Variants in BABAM2 observed in about 807,000 individuals in gnomAD.
The protein encoded by BABAM2 is BRISC and BRCA1 A complex member 2.
In BABAM2, 31 loss-of-function variants were observed where a neutral mutation model predicts 54.7. That is an observed-to-expected ratio of 0.57 (90% CI 0.43 to 0.77). The LOEUF (loss-of-function observed/expected upper bound fraction) is 0.77, where lower values mean the gene tolerates loss of function less well. Among genes scored for constraint, BABAM2 ranks in the 30% least tolerant of loss-of-function variants. BABAM2 has a pLI of 0.00. For synonymous variants in BABAM2, 167 were observed against 162.9 expected (o/e 1.03, Z -0.19); for missense variants, 364 against 455.8 (o/e 0.80, Z 1.83).
At chr2:28,222,282 T>C (rs977843252) in intron 7 of BABAM2, among the ~76,000 whole-genome samples, 6 of 152,316 alleles carry the variant, frequency 3.9e-5, no homozygotes, top group African/African-American at 1.2e-4. Context: ...GAGGCCTAGA[T>C]TGATGGAGAG....
chr2:28,220,125 C>T (rs1016765174), intron 7 of BABAM2, among the ~76,000 whole-genome samples: 14 of 152,098 alleles, frequency 9.2e-5, no homozygotes, highest in Non-Finnish European at 7.4e-5. Context: ...ACCAGCAAAA[C>T]GAACTGATTG....
intron 3 of BABAM2, among the ~76,000 whole-genome samples, chr2:27,942,712 C>G (rs1668997148): frequency 6.6e-6 from 1 of 152,002 alleles, no homozygotes. Context: ...GTTTCATAGC[C>G]TGCCTACCAA....
intron 7 of BABAM2, among the ~76,000 whole-genome samples, chr2:28,167,581 C>T (rs1329071102): frequency 6.6e-6 from 1 of 151,588 alleles, no homozygotes; most frequent in Non-Finnish European, 1.5e-5. Context: ...GTAATTCCAG[C>T]TACTAGGGAG....
chr2:28,102,645 A>G (rs777928852), intron 6 of BABAM2, among the ~76,000 whole-genome samples: 4 of 152,226 alleles, frequency 2.6e-5, no homozygotes, highest in Non-Finnish European at 4.4e-5. Context: ...GTTTTCAGTT[A>G]CAGTAGGTAG....
chr2:27,895,206 C>G (rs1665192618), intron 2 of BABAM2: 1 of 152,288 alleles, frequency 6.6e-6, no homozygotes, highest in Admixed American at 6.5e-5. Context: ...TACAAAAATA[C>G]TACAGGAAAT....
chr2:28,070,899 T>C (rs1459661758), intron 6 of BABAM2, among the ~76,000 whole-genome samples: 1 of 152,172 alleles, frequency 6.6e-6, no homozygotes, highest in Non-Finnish European at 1.5e-5. Flanking sequence ...AAAAAGGTGT[T>C]AAATCACAGT....
chr2:28,297,545 C>T (rs1687796616), intron 10 of BABAM2, among the ~76,000 whole-genome samples: 1 of 152,102 alleles, frequency 6.6e-6, no homozygotes, highest in Non-Finnish European at 1.5e-5. Flanking sequence ...AGTTAAAGAA[C>T]CCCAAAATGA....
intron 3 of BABAM2, among the ~76,000 whole-genome samples, chr2:27,976,721 T>C (rs1573309615): frequency 6.6e-6 from 1 of 152,182 alleles, no homozygotes; most frequent in Non-Finnish European, 1.5e-5. Context: ...AGTTAAAAAA[T>C]AGTTTATAAT....
chr2:28,006,591 C>T (rs543029784), intron 4 of BABAM2, among the ~76,000 whole-genome samples: 1 of 151,994 alleles, frequency 6.6e-6, no homozygotes, highest in Non-Finnish European at 1.5e-5. Flanking sequence ...AGCCTATTCA[C>T]CTAAAACGTC....
chr2:28,215,235 C>G (rs1216316340), intron 7 of BABAM2, among the ~76,000 whole-genome samples: 1 of 152,102 alleles, frequency 6.6e-6, no homozygotes, highest in Non-Finnish European at 1.5e-5. Context: ...TGGAACCAGA[C>G]TTTGTTCTAA....
At chr2:28,142,073 A>G (rs991201407) in intron 7 of BABAM2, among the ~76,000 whole-genome samples, 1 of 152,146 alleles carries the variant, frequency 6.6e-6, no homozygotes, top group Non-Finnish European at 1.5e-5. Context: ...TTGTTGGAGG[A>G]ACGGTCTAAC....
chr2:28,266,501 A>G (rs865798332), intron 10 of BABAM2, among the ~76,000 whole-genome samples: 2 of 152,306 alleles, frequency 1.3e-5, no homozygotes, highest in African/African-American at 2.4e-5. Flanking sequence ...GTCATTCCCA[A>G]AGTGTTATTA....
intron 7 of BABAM2, among the ~76,000 whole-genome samples, chr2:28,157,597 C>CAATTATTATTTTTCTATTTG (rs1265159472): frequency 1.3e-5 from 2 of 151,982 alleles, no homozygotes; most frequent in Non-Finnish European, 2.9e-5. Context: ...ATGTATTAAC[C>CAATTATTATTTTTCTATTTG]CTGTTCAGCA....
chr2:28,029,473 C>T (rs1676139972), intron 5 of BABAM2, among the ~76,000 whole-genome samples: 1 of 152,122 alleles, frequency 6.6e-6, no homozygotes, highest in South Asian at 2.1e-4. Context: ...TTTGTGACTG[C>T]TTATTTCACT....
At chr2:27,929,454 T>A (rs1242699156) in intron 2 of BABAM2, among the ~76,000 whole-genome samples, 1 of 151,992 alleles carries the variant, frequency 6.6e-6, no homozygotes, top group Non-Finnish European at 1.5e-5. Context: ...AAGCTAAGAG[T>A]CCATATTTAA....
At chr2:28,196,582 C>T (rs371721977) in intron 7 of BABAM2, among the ~76,000 whole-genome samples, 2 of 152,172 alleles carry the variant, frequency 1.3e-5, no homozygotes, top group East Asian at 3.9e-4. Flanking sequence ...TGGCTCAATG[C>T]CTGTAAGCCC....
intron 2 of BABAM2, among the ~76,000 whole-genome samples, chr2:27,910,927 G>C (rs1666541330): frequency 6.6e-6 from 1 of 152,184 alleles, no homozygotes; most frequent in South Asian, 2.1e-4. Context: ...TGTCATGGGA[G>C]GGACCCGGTG....
chr2:28,052,222 TAAG>T (rs1361305977), intron 6 of BABAM2, among the ~76,000 whole-genome samples: 2 of 151,470 alleles, frequency 1.3e-5, no homozygotes, highest in Non-Finnish European at 2.9e-5. Flanking sequence ...GTGAAACTAT[TAAG>T]AAGAAACAAC....
At chr2:28,281,878 C>G (rs1686390202) in intron 10 of BABAM2, among the ~76,000 whole-genome samples, 1 of 152,208 alleles carries the variant, frequency 6.6e-6, no homozygotes. Context: ...TGAGGACATC[C>G]TCCAGGCCTC....
Sources: gnomAD v4.1 joint callset for allele counts (sites outside exome capture counted in the v4.1 genomes callset) on GRCh38, gnomAD v4.1.1 for gene constraint, MANE v1.5 for transcripts, NCBI Gene and HGNC (gene_info 2026-07-23, HGNC 2026-07-21) for gene names.